The following RORA variants were observed in gnomAD, a reference collection of about 807,000 sequenced individuals.
RORA encodes nuclear receptor ROR-alpha.
Under a neutral mutation model 69.5 loss-of-function variants are expected in RORA, and 7 were observed. The ratio of observed to expected loss-of-function variants is 0.10; its 90% CI spans 0.06 to 0.19. RORA has a LOEUF of 0.19. Among genes scored for constraint, RORA ranks in the 10% least tolerant of loss-of-function variants. The pLI, the probability that RORA is intolerant of heterozygous loss-of-function variation, is 1.00. For missense variants in RORA, 457 were observed against 663.0 expected, an observed-to-expected ratio of 0.69 and a Z score of 3.41; for synonymous variants, 261 against 240.8, an observed-to-expected ratio of 1.08 and a Z score of -0.78.
At chr15:60,699,888 A>T (rs1467734161) in intron 1 of RORA, among the ~76,000 whole-genome samples, 1 of 151,898 alleles carries the variant, frequency 6.6e-6, no homozygotes, top group Non-Finnish European at 1.5e-5. Flanking sequence ...AAGCTTGTTT[A>T]GATTAGGATT....
chr15:61,093,235 A>G (rs2078735231), intron 1 of RORA, among the ~76,000 whole-genome samples: 1 of 152,220 alleles, frequency 6.6e-6, no homozygotes, highest in African/African-American at 2.4e-5. Context: ...TTAAATCCCA[A>G]CTAGAAAGAT....
At chr15:60,898,920 T>C (rs1345615607) in intron 1 of RORA, among the ~76,000 whole-genome samples, 1 of 152,170 alleles carries the variant, frequency 6.6e-6, no homozygotes, top group African/African-American at 2.4e-5. Flanking sequence ...AATGAATGCA[T>C]GTTCTCAGGC....
At chr15:61,134,291 T>G (rs1323032887) in intron 1 of RORA, among the ~76,000 whole-genome samples, 1 of 152,184 alleles carries the variant, frequency 6.6e-6, no homozygotes, top group Non-Finnish European at 1.5e-5. Flanking sequence ...TCAGTTTGAT[T>G]TTAAAAAGAT....
intron 1 of RORA, among the ~76,000 whole-genome samples, chr15:60,964,596 G>A (rs546196356): frequency 6.6e-5 from 10 of 152,196 alleles, no homozygotes; most frequent in South Asian, 2.1e-4. Context: ...GCCCTGGGGA[G>A]TGTAGGGAGG....
At chr15:60,741,620 A>T (rs992052129) in intron 1 of RORA, among the ~76,000 whole-genome samples, 13 of 152,316 alleles carry the variant, frequency 8.5e-5, no homozygotes, top group African/African-American at 3.1e-4. Context: ...CACCTGGGCC[A>T]TTAGTAAATG....
chr15:60,674,461 T>A (rs565110865), intron 2 of RORA, among the ~76,000 whole-genome samples: 2 of 152,160 alleles, frequency 1.3e-5, no homozygotes, highest in Non-Finnish European at 2.9e-5. Flanking sequence ...CAAAGCCAAG[T>A]CTCTGGGGTG....
At chr15:60,615,463 GGAC>G (rs2069213806) in intron 2 of RORA, among the ~76,000 whole-genome samples, 1 of 152,178 alleles carries the variant, frequency 6.6e-6, no homozygotes, top group South Asian at 2.1e-4. Context: ...GGGCCTCCAA[GGAC>G]TTATCAGGAG....
chr15:60,943,667 G>A (rs1892770669), intron 1 of RORA, among the ~76,000 whole-genome samples: 1 of 152,068 alleles, frequency 6.6e-6, no homozygotes, highest in East Asian at 1.9e-4. Flanking sequence ...TGTAATCCCA[G>A]CACTTTGGGA....
intron 1 of RORA, among the ~76,000 whole-genome samples, chr15:60,866,250 T>C (rs894233320): frequency 6.6e-6 from 1 of 152,212 alleles, no homozygotes; most frequent in South Asian, 2.1e-4. Flanking sequence ...CTACTCTCCA[T>C]CTGCATGAGT....
chr15:60,850,283 C>T (rs2073310402), intron 1 of RORA, among the ~76,000 whole-genome samples: 1 of 152,178 alleles, frequency 6.6e-6, no homozygotes, highest in Non-Finnish European at 1.5e-5. Flanking sequence ...GAACAGTTCT[C>T]AAAGTATACC....
At chr15:61,000,887 CT>C (rs1358096372) in intron 1 of RORA, among the ~76,000 whole-genome samples, 3 of 152,148 alleles carry the variant, frequency 2.0e-5, no homozygotes, top group African/African-American at 7.2e-5. Context: ...AGATAAGCAT[CT>C]TACCCTCTTG....
intron 1 of RORA, among the ~76,000 whole-genome samples, chr15:60,991,856 T>C (rs577840420): frequency 9.2e-5 from 14 of 151,938 alleles, no homozygotes; most frequent in African/African-American, 3.4e-4. Context: ...TAGCAAGCCA[T>C]GACAGCATCC....
intron 1 of RORA, among the ~76,000 whole-genome samples, chr15:61,101,543 C>A (rs1245763414): frequency 6.6e-6 from 1 of 152,006 alleles, no homozygotes; most frequent in East Asian, 1.9e-4. Context: ...TGGAATGATC[C>A]TAGAAATTGA....
intron 2 of RORA, among the ~76,000 whole-genome samples, chr15:60,665,922 G>A (rs2070373305): frequency 6.6e-6 from 1 of 152,148 alleles, no homozygotes; most frequent in African/African-American, 2.4e-5. Flanking sequence ...TGATCTGTGT[G>A]CCTTGGCCTC....
At chr15:60,993,039 A>T (rs911535957) in intron 1 of RORA, among the ~76,000 whole-genome samples, 2 of 152,152 alleles carry the variant, frequency 1.3e-5, no homozygotes, top group African/African-American at 4.8e-5. Context: ...CTCTTCTGCC[A>T]TACTTACTTG....
At chr15:60,893,579 G>A (rs1424578407) in intron 1 of RORA, among the ~76,000 whole-genome samples, 1 of 152,146 alleles carries the variant, frequency 6.6e-6, no homozygotes, top group African/African-American at 2.4e-5. Flanking sequence ...CCTTGTATCC[G>A]TTTGTCTGGG....
chr15:60,778,647 G>C (rs1222227415), intron 1 of RORA, among the ~76,000 whole-genome samples: 2 of 152,160 alleles, frequency 1.3e-5, no homozygotes, highest in African/African-American at 2.4e-5. Context: ...TAAGTGTTTT[G>C]AGAACTGACA....
intron 1 of RORA, among the ~76,000 whole-genome samples, chr15:60,915,834 T>C (rs1321531266): frequency 6.6e-6 from 1 of 152,174 alleles, no homozygotes. Flanking sequence ...ACTCTTCAAG[T>C]CTCAGTTTCT....
At chr15:60,691,203 C>G (rs2070817918) in intron 1 of RORA, among the ~76,000 whole-genome samples, 1 of 152,180 alleles carries the variant, frequency 6.6e-6, no homozygotes, top group Non-Finnish European at 1.5e-5. Flanking sequence ...GCTCAGCTCT[C>G]ATCTCCTGCT....
Sources: gnomAD v4.1 joint callset for allele counts (sites outside exome capture counted in the v4.1 genomes callset) on GRCh38, gnomAD v4.1.1 for gene constraint, MANE v1.5 for transcripts, NCBI Gene and HGNC (gene_info 2026-07-23, HGNC 2026-07-21) for gene names.